The following HECTD2 variants were observed in gnomAD, a reference collection of about 807,000 sequenced individuals.
HECTD2 encodes the protein probable E3 ubiquitin-protein ligase HECTD2.
Under a neutral mutation model 103.2 loss-of-function variants are expected in HECTD2, and 35 were observed. The observed-to-expected ratio is 0.34, with a 90% CI of 0.26 to 0.45. HECTD2 has a LOEUF of 0.45. HECTD2 is among the 20% of genes least tolerant of loss of function. The pLI is 1.00. For synonymous variants in HECTD2, 281 were observed against 329.9 expected, an observed-to-expected ratio of 0.85 and a Z score of 1.61; for missense variants, 596 against 937.4, an observed-to-expected ratio of 0.64 and a Z score of 4.76.
chr10:91,503,842 A>C (rs1847021611), intron 20 of HECTD2, among the ~76,000 whole-genome samples: 1 of 152,202 alleles, frequency 6.6e-6, no homozygotes, highest in South Asian at 2.1e-4. Context: ...ACAAACAAAA[A>C]GACAGCAGTA....
Position 91,484,415 on chromosome 10 carries a change from T to C in HECTD2, c.822-92T>C. 4 of 1,481,070 alleles carry C rather than the reference T, an allele frequency of 2.7e-6. No homozygotes were observed. The South Asian group carries it at 4.9e-5, about 18-fold the overall frequency. The allele number at this position is 1,481,070 out of a possible 1,614,324, so 91.7% of individuals were successfully genotyped here. A position where few individuals can be genotyped will look rare whatever the true frequency, so the allele number is the denominator to read the frequency against. ...GAATTTGGGGGAATAGTCTAAAATT[T>C]TGTGGCTTAGGATGTAGTTTAATAT... is the stretch of plus-strand genomic sequence containing the variant. On this transcript the variant is annotated intron_variant, in intron 8 of 20. Transcript: ENST00000298068.
chr10:91,430,850 G>A (rs189725166), intron 2 of HECTD2, among the ~76,000 whole-genome samples: 2 of 151,050 alleles, frequency 1.3e-5, no homozygotes, highest in African/African-American at 4.9e-5. Flanking sequence ...CAGTCTGTGT[G>A]TTTTAATTGG....
chr10:91,429,591 C>G (rs571823952), intron 2 of HECTD2, among the ~76,000 whole-genome samples: 2 of 152,278 alleles, frequency 1.3e-5, no homozygotes, highest in South Asian at 4.1e-4. Context: ...TCAAATTCTT[C>G]CTGGTTTAGT....
intron 11 of HECTD2, chr10:91,489,140 A>G (rs973748124): frequency 7.9e-5 from 12 of 152,182 alleles, no homozygotes; most frequent in African/African-American, 2.4e-4. Flanking sequence ...CAGGATATCA[A>G]ATATCTTTTT....
chr10:91,419,344 CAT>C (rs1405196136), intron 1 of HECTD2, among the ~76,000 whole-genome samples: 2 of 152,042 alleles, frequency 1.3e-5, no homozygotes, highest in African/African-American at 2.4e-5. Flanking sequence ...AGTAGGAACT[CAT>C]GTATTCAAAT....
rs748755195 is a variant in HECTD2, at chr10:91,484,660, GTTT to G, written c.970+8_970+10del. 10 of 1,582,276 alleles carry G rather than the reference GTTT, an allele frequency of 6.3e-6. No individual in the cohort carries two copies. The highest frequency in any genetic ancestry group is 2.7e-5 in the African/African-American group (2 of 72,984). On this transcript the variant is annotated splice_donor_region_variant and intron_variant, in intron 9 of 20. Coordinates refer to ENST00000298068, the MANE Select transcript of HECTD2 (RefSeq NM_182765.6). ...CTAAAGTGTTGGCTTTACTTAGTAG[GTTT>G]TTATTATTCTATCATTTTTTACTTT...
intron 2 of HECTD2, among the ~76,000 whole-genome samples, chr10:91,453,265 C>T (rs910896872): frequency 6.6e-6 from 1 of 152,076 alleles, no homozygotes; most frequent in Non-Finnish European, 1.5e-5. Flanking sequence ...GACTTTGTCT[C>T]CATAAAAAAT....
chr10:91,500,163 T>A (rs926849488), intron 18 of HECTD2, among the ~76,000 whole-genome samples: 12 of 152,110 alleles, frequency 7.9e-5, no homozygotes, highest in African/African-American at 2.9e-4. Context: ...TTATGGGATA[T>A]TGGAAGGAGA....
chr10:91,513,947 G>A lies in HECTD2; in HGVS notation c.*1563G>A, dbSNP rs1220715092. 1 of 152,498 alleles carries A rather than the reference G, an allele frequency of 6.6e-6. No individual in the cohort carries two copies. The highest frequency in any genetic ancestry group is 1.5e-5 in the Non-Finnish European group (1 of 68,010). The allele number at this position is 152,498 out of a possible 1,614,324, so 9.4% of individuals were successfully genotyped here. A position where few individuals can be genotyped will look rare whatever the true frequency, so the allele number is the denominator to read the frequency against. On this transcript the variant is annotated 3_prime_UTR_variant, in exon 21 of 21. Coordinates refer to ENST00000298068, the MANE Select transcript of HECTD2 (RefSeq NM_182765.6). Reference sequence around the variant, plus strand: ...GAAGTGATTCTGCTCTTCCATTTGGGTATATTATTTCAAGGGTATTTCTTC... The same window carrying A: ...GAAGTGATTCTGCTCTTCCATTTGGATATATTATTTCAAGGGTATTTCTTC...
chr10:91,430,585 T>C (rs1204323624), intron 2 of HECTD2, among the ~76,000 whole-genome samples: 1 of 152,210 alleles, frequency 6.6e-6, no homozygotes, highest in Non-Finnish European at 1.5e-5. Context: ...CATATATATT[T>C]AGGATAGTTA....
intron 7 of HECTD2, among the ~76,000 whole-genome samples, chr10:91,482,112 A>G (rs765078736): frequency 6.6e-6 from 1 of 151,868 alleles, no homozygotes; most frequent in Non-Finnish European, 1.5e-5. Context: ...TTAGGTGAGT[A>G]TATTGGTCAG....
chr10:91,460,349 T>A, intron 2 of HECTD2, 78 bp from the exon 3 acceptor site: 1 of 1,155,410 alleles, frequency 8.7e-7, no homozygotes, highest in Non-Finnish European at 1.2e-6. Context: ...TTTCTGTTCA[T>A]GTTGAATTAA....
At chr10:91,445,442 A>G (rs1844560284) in intron 2 of HECTD2, among the ~76,000 whole-genome samples, 2 of 152,212 alleles carry the variant, frequency 1.3e-5, no homozygotes, top group South Asian at 4.1e-4. Context: ...TTTTAATTAA[A>G]TAAGTAATAA....
intron 1 of HECTD2, among the ~76,000 whole-genome samples, chr10:91,418,454 A>G (rs984679328): frequency 6.6e-6 from 1 of 152,144 alleles, no homozygotes; most frequent in African/African-American, 2.4e-5. Context: ...TTTTGTGACA[A>G]AATTTTGTTT....
chr10:91,490,184 C>T (rs1221924109), intron 11 of HECTD2, among the ~76,000 whole-genome samples: 2 of 152,102 alleles, frequency 1.3e-5, no homozygotes, highest in Non-Finnish European at 2.9e-5. Flanking sequence ...TAAAAGACAA[C>T]AGAGTTGAAA....
At chr10:91,509,208 G>T (rs999794576) in intron 20 of HECTD2, among the ~76,000 whole-genome samples, 7 of 151,410 alleles carry the variant, frequency 4.6e-5, no homozygotes, top group African/African-American at 1.7e-4. Context: ...ACACCAGCAT[G>T]GCACATGTAT....
At chr10:91,432,655 C>A (rs976752722) in intron 2 of HECTD2, among the ~76,000 whole-genome samples, 4 of 139,890 alleles carry the variant, frequency 2.9e-5, no homozygotes, top group Admixed American at 2.0e-4. Flanking sequence ...TGAAGCAATT[C>A]TTCCCCAAAC....
chr10:91,434,159 T>C (rs1844015459), intron 2 of HECTD2, among the ~76,000 whole-genome samples: 1 of 151,976 alleles, frequency 6.6e-6, no homozygotes, highest in African/African-American at 2.4e-5. Flanking sequence ...TTTTTTTTCC[T>C]GTCTTTCTTC....
chr10:91,433,666 G>T (rs75662313), intron 2 of HECTD2, among the ~76,000 whole-genome samples: 2 of 151,812 alleles, frequency 1.3e-5, no homozygotes, highest in Non-Finnish European at 2.9e-5. Context: ...TACATATGTC[G>T]CTTTGTTCAT....
Sources: gnomAD v4.1 joint callset for allele counts (sites outside exome capture counted in the v4.1 genomes callset) on GRCh38, gnomAD v4.1.1 for gene constraint, MANE v1.5 for transcripts, NCBI Gene and HGNC (gene_info 2026-07-23, HGNC 2026-07-21) for gene names.